DPP6: variants seen among roughly 807,000 people sequenced by gnomAD.
DPP6 encodes dipeptidyl peptidase like 6, also known as A-type potassium channel modulatory protein DPP6.
Under a neutral mutation model 122.6 loss-of-function variants are expected in DPP6, and 69 were observed. That is an observed-to-expected ratio of 0.56 (90% CI 0.46 to 0.69). The LOEUF (loss-of-function observed/expected upper bound fraction) is 0.69, where lower values mean the gene tolerates loss of function less well. Among genes scored for constraint, DPP6 ranks in the 30% least tolerant of loss-of-function variants. The pLI, the probability that DPP6 is intolerant of heterozygous loss-of-function variation, is 0.00. For missense variants in DPP6, 928 were observed against 1,116.9 expected (o/e 0.83, Z 2.41); for synonymous variants, 418 against 433.1 (o/e 0.97, Z 0.43).
chr7:154,574,399 GGTGT>G (rs1225961724), intron 5 of DPP6, among the ~76,000 whole-genome samples: 3 of 146,732 alleles, frequency 2.0e-5, no homozygotes, highest in South Asian at 2.2e-4. Context: ...GTATGTGTGT[GGTGT>G]GTGTATGTGT....
intron 13 of DPP6, among the ~76,000 whole-genome samples, chr7:154,802,413 G>A (rs947106283): frequency 1.4e-4 from 21 of 151,862 alleles, no homozygotes; most frequent in African/African-American, 3.4e-4. Context: ...TGGAAATGGC[G>A]TCTCTTGGAG....
intron 15 of DPP6, among the ~76,000 whole-genome samples, chr7:154,805,646 C>T (rs1443858258): frequency 6.6e-6 from 1 of 152,218 alleles, no homozygotes; most frequent in East Asian, 1.9e-4. Flanking sequence ...TCAAAGAGGG[C>T]AGGGACCCTG....
At chr7:154,135,142 T>C (rs1399733256) in intron 1 of DPP6, among the ~76,000 whole-genome samples, 1 of 150,278 alleles carries the variant, frequency 6.7e-6, no homozygotes, top group Non-Finnish European at 1.5e-5. Context: ...TGAGCCCACA[T>C]TGTGGGTGTA....
rs552747237 is a variant in DPP6 at position 154,767,076 on chromosome 7, GTTGT to G, written c.884-2330_884-2327del. On this transcript the variant is annotated intron_variant, in intron 8 of 25. Transcript: ENST00000377770. ...TCTCTTCGGGGGTTTTGTTGTTATT[GTTGT>G]TTGTTTGTTTCTGTCCAAAGCTGCT... 3.6e-3 allele frequency among the ~76,000 whole-genome samples: 541 copies of G among 152,264 alleles called. 4 individuals carry two copies. The highest frequency in any genetic ancestry group is 6.2e-3 in the South Asian group (30 of 4,824).
At chr7:153,935,390 C>T (rs1299379852) in intron 1 of DPP6, among the ~76,000 whole-genome samples, 3 of 152,100 alleles carry the variant, frequency 2.0e-5, no homozygotes, top group African/African-American at 7.2e-5. Context: ...CTCATGTCAG[C>T]GTGGCACATC....
chr7:153,786,015 ATC>A, the DPP6 span, among the ~76,000 whole-genome samples: 2 of 151,928 alleles, frequency 1.3e-5, no homozygotes, highest in Non-Finnish European at 2.9e-5. Context: ...GTAATAGTTT[ATC>A]TACTGCTTAT....
chr7:154,088,109 C>T (rs2150544070), intron 1 of DPP6, among the ~76,000 whole-genome samples: 1 of 152,260 alleles, frequency 6.6e-6, no homozygotes, highest in Admixed American at 6.5e-5. Context: ...TGATGGGAAG[C>T]CCCTCGTGGC....
chr7:154,800,835 A>G (rs559993266), intron 12 of DPP6, among the ~76,000 whole-genome samples: 6 of 152,296 alleles, frequency 3.9e-5, no homozygotes, highest in South Asian at 2.1e-4. Flanking sequence ...TGTGAGATCA[A>G]TTGTATTCAA....
rs556743216 is a variant in DPP6, at chr7:154,894,151, A to G, written c.*1671A>G. Reference sequence around the variant, plus strand: ...ACATGACTGTGCGTTTGCTATTTCAATGGGCCTGAACGACTACAAAGCCAG... The same window carrying G: ...ACATGACTGTGCGTTTGCTATTTCAGTGGGCCTGAACGACTACAAAGCCAG... On this transcript the variant is annotated 3_prime_UTR_variant, in exon 26 of 26. Transcript: ENST00000377770. 2.2e-4 allele frequency: 33 copies of G among 152,352 alleles called. No individual in the cohort carries two copies. The highest frequency in any genetic ancestry group is 1.6e-3 in the Admixed American group (25 of 15,312). 9.4% of individuals were successfully genotyped at this position (152,352 alleles called of 1,614,324 possible).
At chr7:153,862,756 A>G in the DPP6 span, among the ~76,000 whole-genome samples, 2 of 152,146 alleles carry the variant, frequency 1.3e-5, no homozygotes, top group Non-Finnish European at 2.9e-5. Flanking sequence ...TTATCTCAAT[A>G]AAAGTCCATT....
chr7:154,015,996 C>G (rs1798389174), intron 1 of DPP6, among the ~76,000 whole-genome samples: 1 of 152,192 alleles, frequency 6.6e-6, no homozygotes, highest in Non-Finnish European at 1.5e-5. Context: ...TTTCCCTGCA[C>G]ACTCCATGCT....
intron 7 of DPP6, among the ~76,000 whole-genome samples, chr7:154,680,177 T>C (rs1839194954): frequency 6.6e-6 from 1 of 151,910 alleles, no homozygotes; most frequent in African/African-American, 2.4e-5. Context: ...AGAAGAAAAA[T>C]ATAAGTAGGA....
rs554977606 is a variant in DPP6 at position 154,117,556 on chromosome 7, A to G, written c.243+64493A>G. Among the ~76,000 whole-genome samples the G allele has an allele frequency of 2.6e-5, 4 of 152,298 alleles. No individual in the cohort carries two copies. In the East Asian group the frequency reaches 5.8e-4, roughly 22 times the overall value. On this transcript the variant is annotated intron_variant, in intron 1 of 25. Transcript: ENST00000377770. ...GCAGATTTCTTTCTCTCCCCACTCT[A>G]TCTTCTCTTGCAGAGCTTTATCCCT...
At chr7:154,172,105 A>G (rs1028902543) in intron 1 of DPP6, among the ~76,000 whole-genome samples, 3 of 150,968 alleles carry the variant, frequency 2.0e-5, no homozygotes, top group African/African-American at 7.3e-5. Context: ...TCATTGCAAT[A>G]CTTGTATAGA....
chr7:153,869,331 T>G, the DPP6 span, among the ~76,000 whole-genome samples: 57,774 of 151,962 alleles, frequency 0.38, 11,215 homozygotes, highest in Middle Eastern at 0.47. Context: ...TTAATCTGGG[T>G]GCTCCTGTAT....
At chr7:154,084,975 G>A (rs1393097919) in intron 1 of DPP6, among the ~76,000 whole-genome samples, 1 of 124,434 alleles carries the variant, frequency 8.0e-6, no homozygotes, top group African/African-American at 3.3e-5. Context: ...GGGCGACAGA[G>A]CGAGACTCCG....
intron 1 of DPP6, among the ~76,000 whole-genome samples, chr7:154,415,168 A>G (rs1563630665): frequency 6.6e-6 from 1 of 152,154 alleles, no homozygotes; most frequent in Non-Finnish European, 1.5e-5. Context: ...GAAACCCTTT[A>G]GCACATACTA....
intron 1 of DPP6, among the ~76,000 whole-genome samples, chr7:153,950,347 G>T (rs72617385): frequency 0.28 from 42,717 of 152,044 alleles, 6,508 homozygotes; most frequent in East Asian, 0.59. Context: ...TGGAATGTTA[G>T]GTGTGAGACA....
chr7:153,790,641 C>T, the DPP6 span, among the ~76,000 whole-genome samples: 1 of 152,104 alleles, frequency 6.6e-6, no homozygotes, highest in Non-Finnish European at 1.5e-5. Flanking sequence ...TTAGTCCTTC[C>T]TCATAATCGT....
Sources: gnomAD v4.1 joint callset for allele counts (sites outside exome capture counted in the v4.1 genomes callset) on GRCh38, gnomAD v4.1.1 for gene constraint, MANE v1.5 for transcripts, NCBI Gene and HGNC (gene_info 2026-07-23, HGNC 2026-07-21) for gene names.